The following TCF12 variants were observed in gnomAD, a reference collection of about 807,000 sequenced individuals.
TCF12 encodes the protein transcription factor 12.
In TCF12, 45 loss-of-function variants were observed where a neutral mutation model predicts 86.0. That is an observed-to-expected ratio of 0.52 (90% confidence interval 0.41 to 0.67). The LOEUF (loss-of-function observed/expected upper bound fraction) is 0.67. Ranked by LOEUF, TCF12 falls within the 30% of genes least tolerant of loss-of-function variation. TCF12 has a pLI of 0.00. For missense variants in TCF12, 881 were observed against 859.9 expected (o/e 1.02, Z -0.31); for synonymous variants, 330 against 299.6 (o/e 1.10, Z -1.05).
rs1328029536 is a variant in TCF12 at position 57,149,453 on chromosome 15, T to C, written c.326-16949T>C. ...CCTTTTAACCTTTTAGAAATAGCTA[T>C]GTGTGTAGTTAGTACAGGAGATCAT... On this transcript the variant is annotated intron_variant, in intron 5 of 20. Coordinates refer to ENST00000333725, the MANE Select transcript of TCF12 (RefSeq NM_207037.2). 2.0e-5 allele frequency among the ~76,000 whole-genome samples: 3 copies of C among 152,228 alleles called. No individual in the cohort carries two copies. The East Asian group carries it at 5.8e-4, about 29-fold the overall frequency.
In TCF12 at chr15:57,252,469, T is replaced by C; in HGVS notation, c.1237T>C (p.Ser413Pro). The change falls in exon 15 of 21, where the codon TCC becomes CCC. Residue 413 changes from serine (S) to proline (P), a missense_variant. By Grantham distance (74) the Ser-to-Pro change is moderately conservative. Coordinates refer to ENST00000333725, the MANE Select transcript of TCF12 (RefSeq NM_207037.2). ...QLHEHLQDAM[S>P]FLKDVCEQSR... ...TCACGAGCATTTGCAAGATGCAATG[T>C]CCTTCTTAAAGGATGTCTGTGAGGT... The C allele has an allele frequency of 6.2e-7, 1 of 1,613,994 alleles. No individual in the cohort carries two copies. Among genetic ancestry groups the C allele is most frequent in the Non-Finnish European group, 8.5e-7 (1 of 1,179,898 alleles).
At chr15:57,009,024 G>A (rs1188616004) in intron 3 of TCF12, among the ~76,000 whole-genome samples, 4 of 152,140 alleles carry the variant, frequency 2.6e-5, no homozygotes, top group African/African-American at 9.7e-5. Flanking sequence ...AATGCTATAA[G>A]CTCTTCTAAA....
At chr15:57,011,901 A>G (rs2064855260) in intron 3 of TCF12, among the ~76,000 whole-genome samples, 1 of 152,224 alleles carries the variant, frequency 6.6e-6, no homozygotes, top group African/African-American at 2.4e-5. Flanking sequence ...AACAGCTATG[A>G]AAATGGATTT....
intron 3 of TCF12, among the ~76,000 whole-genome samples, chr15:56,988,570 G>A (rs961460481): frequency 2.0e-5 from 3 of 152,130 alleles, no homozygotes; most frequent in African/African-American, 7.2e-5. Context: ...GACTTAAAAT[G>A]TTAGTTGCTA....
At chr15:57,263,029 G>GC in intron 17 of TCF12, 83 bp from the exon 18 acceptor site, 1 of 1,429,392 alleles carries the variant, frequency 7.0e-7, no homozygotes, top group Non-Finnish European at 9.4e-7. Flanking sequence ...ATATTCACCA[G>GC]CTAGAAAGCT....
intron 13 of TCF12, chr15:57,247,468 A>C: frequency 1.4e-6 from 1 of 724,804 alleles, no homozygotes; most frequent in South Asian, 1.4e-5. Context: ...CTTCACAGTT[A>C]TGCCCATTAA....
At chr15:57,145,651 G>A (rs2053306565) in intron 5 of TCF12, among the ~76,000 whole-genome samples, 1 of 152,140 alleles carries the variant, frequency 6.6e-6, no homozygotes, top group Admixed American at 6.5e-5. Context: ...AAGGGAAAAA[G>A]AGTTGGTGTA....
chr15:57,059,200 G>A (rs1470991507), intron 3 of TCF12, among the ~76,000 whole-genome samples: 2 of 152,134 alleles, frequency 1.3e-5, no homozygotes, highest in East Asian at 3.9e-4. Flanking sequence ...TGCTACTAAA[G>A]GCAGAGTGCA....
At chr15:57,233,745 G>A (rs918136944) in intron 11 of TCF12, among the ~76,000 whole-genome samples, 19 of 152,156 alleles carry the variant, frequency 1.2e-4, no homozygotes, top group Admixed American at 6.5e-5. Context: ...CCAAATTGCT[G>A]GGATTACAGG....
intron 5 of TCF12, among the ~76,000 whole-genome samples, chr15:57,099,445 A>G (rs1485526225): frequency 6.6e-6 from 1 of 152,178 alleles, no homozygotes; most frequent in African/African-American, 2.4e-5. Flanking sequence ...AATATATTTC[A>G]TTTGAATTTT....
chr15:56,918,385 C>T (rs1213482903), upstream of TCF12: 6 of 373,720 alleles, frequency 1.6e-5, no homozygotes, highest in Non-Finnish European at 3.2e-5. Flanking sequence ...CCAGGAGGCC[C>T]GGACGAGGCT....
intron 5 of TCF12, among the ~76,000 whole-genome samples, chr15:57,117,033 T>C (rs1322638596): frequency 1.3e-5 from 2 of 152,198 alleles, no homozygotes; most frequent in Admixed American, 1.3e-4. Flanking sequence ...AATGACACTT[T>C]TGTTTATGAG....
intron 5 of TCF12, among the ~76,000 whole-genome samples, chr15:57,095,853 T>G (rs1596502473): frequency 6.6e-6 from 1 of 152,150 alleles, no homozygotes; most frequent in Non-Finnish European, 1.5e-5. Flanking sequence ...TCTCATAAAT[T>G]TAATAACTTT....
chr15:57,077,935 A>G (rs1302057815), intron 4 of TCF12, among the ~76,000 whole-genome samples: 1 of 152,080 alleles, frequency 6.6e-6, no homozygotes, highest in Non-Finnish European at 1.5e-5. Flanking sequence ...TAACACATTT[A>G]TTGTCTCGTC....
intron 12 of TCF12, among the ~76,000 whole-genome samples, chr15:57,239,832 G>T (rs2059538890): frequency 6.6e-6 from 1 of 152,104 alleles, no homozygotes; most frequent in Admixed American, 6.6e-5. Context: ...GAAGCTTGGG[G>T]TGGTGATAAA....
intron 3 of TCF12, among the ~76,000 whole-genome samples, chr15:56,977,349 G>A (rs1214867872): frequency 1.3e-5 from 2 of 152,018 alleles, no homozygotes; most frequent in Admixed American, 6.6e-5. Flanking sequence ...CCTTGGCAAC[G>A]TGGCAGAATC....
chr15:57,027,419 A>G (rs1255153072), intron 3 of TCF12, among the ~76,000 whole-genome samples: 1 of 152,218 alleles, frequency 6.6e-6, no homozygotes, highest in Non-Finnish European at 1.5e-5. Context: ...ATCTTAGTGA[A>G]TAATAGTTTT....
chr15:57,072,533 T>C, intron 4 of TCF12: 1 of 435,658 alleles, frequency 2.3e-6, no homozygotes, highest in Non-Finnish European at 3.3e-6. Flanking sequence ...GTGTGTTTGC[T>C]ATTGTTTTTA....
intron 3 of TCF12, among the ~76,000 whole-genome samples, chr15:57,051,098 AT>A (rs1409919577): frequency 6.6e-6 from 1 of 152,020 alleles, no homozygotes; most frequent in Non-Finnish European, 1.5e-5. Context: ...GCTTTTGTTA[AT>A]TTTTGCAGAG....
Sources: allele counts gnomAD v4.1 joint callset (sites outside exome capture counted in the v4.1 genomes callset), GRCh38; gene constraint gnomAD v4.1.1; transcripts MANE v1.5; gene names NCBI Gene and HGNC (gene_info 2026-07-23, HGNC 2026-07-21).